Variants in TXLNB observed in about 807,000 individuals in gnomAD.
The protein encoded by TXLNB is beta-taxilin.
Under a neutral mutation model 57.4 loss-of-function variants are expected in TXLNB, and 37 were observed. The ratio of observed to expected loss-of-function variants is 0.64; its 90% CI spans 0.50 to 0.85. The LOEUF is 0.85. Ranked by LOEUF, TXLNB falls within the 40% of genes least tolerant of loss-of-function variation. The probability of loss-of-function intolerance (pLI) is 0.00; values close to 1 mark genes in which losing one functional copy is unlikely to be tolerated. For synonymous variants in TXLNB, 302 were observed against 309.6 expected (o/e 0.98, Z 0.26); for missense variants, 848 against 825.6 (o/e 1.03, Z -0.33).
chr6:139,308,780 G>A, the TXLNB span, among the ~76,000 whole-genome samples: 1 of 152,174 alleles, frequency 6.6e-6, no homozygotes, highest in Non-Finnish European at 1.5e-5. Flanking sequence ...TAGGTAATGA[G>A]TCATGTTAAA....
the TXLNB span, among the ~76,000 whole-genome samples, chr6:139,307,471 G>A: frequency 1.3e-5 from 2 of 152,212 alleles, no homozygotes; most frequent in Non-Finnish European, 2.9e-5. Flanking sequence ...TTACAGGCAT[G>A]AGCCACTGTG....
chr6:139,244,596 T>G lies in TXLNB; in HGVS notation c.1265A>C (p.Glu422Ala). The part of the protein sequence containing the change: ...CNKALLDMIE[E>A]KALRAKEYEC... ...AAGCTAAGGGAGAAACTTCCTCACC[T>G]CTTCAATCATGTCCAACAGAGCTTT... The change falls in exon 9 of 10, where the codon GAG becomes GCG. Residue 422 changes from glutamate (E) to alanine (A), a missense_variant and splice_region_variant. Transcript: ENST00000358430. 1 of 1,609,260 alleles carries G rather than the reference T, an allele frequency of 6.2e-7. No individual in the cohort carries two copies. Among genetic ancestry groups the G allele is most frequent in the African/African-American group, 1.3e-5 (1 of 74,958 alleles).
the TXLNB span, among the ~76,000 whole-genome samples, chr6:139,184,767 C>A: frequency 0.021 from 3,129 of 152,216 alleles, 115 homozygotes; most frequent in African/African-American, 0.071. Flanking sequence ...GTTTAATTTT[C>A]AATTTCTCAC....
the TXLNB span, among the ~76,000 whole-genome samples, chr6:139,217,669 C>T: frequency 1.3e-5 from 2 of 151,822 alleles, no homozygotes; most frequent in Non-Finnish European, 2.9e-5. Context: ...AAGATCGAGA[C>T]CATCCTGGCT....
chr6:139,231,045 C>T, the TXLNB span, among the ~76,000 whole-genome samples: 1 of 152,148 alleles, frequency 6.6e-6, no homozygotes, highest in Non-Finnish European at 1.5e-5. Context: ...ACAATGCACT[C>T]CCAGAAAACT....
At position 139,260,387 on chromosome 6, in the gene TXLNB, A is replaced by G; in HGVS notation, c.933T>C (p.Asp311=). 2.5e-6 allele frequency: 4 copies of G among 1,614,128 alleles called. No homozygotes were observed. In the South Asian group the frequency reaches 4.4e-5, roughly 18 times the overall value. The change falls in exon 6 of 10, where the codon GAT becomes GAC. Residue 311 remains aspartate, a synonymous_variant. Transcript: ENST00000358430. ...KHRELQQKLV[D]AKLEQAQEMM... is the part of the protein sequence containing the mutation. ...TTTCTTGGGCCTGCTCAAGCTTTGC[A>G]TCCACCAGCTTCTGCTGCAGTTCTC...
the TXLNB span, among the ~76,000 whole-genome samples, chr6:139,218,374 T>C: frequency 6.6e-6 from 1 of 152,140 alleles, no homozygotes; most frequent in South Asian, 2.1e-4. Flanking sequence ...ATTTAGCACT[T>C]TGAGAGTTGT....
downstream of TXLNB, chr6:139,239,165 A>G (rs1775870673): frequency 6.6e-6 from 1 of 152,284 alleles, no homozygotes; most frequent in Non-Finnish European, 1.5e-5. This position sits in a 1 kb window ranked among gnomAD's most constrained non-coding sequence, Gnocchi z 4.7. Context: ...CTCCCAGGTC[A>G]GTGTGGACTG....
At chr6:139,300,302 G>A in the TXLNB span, among the ~76,000 whole-genome samples, 2 of 152,162 alleles carry the variant, frequency 1.3e-5, no homozygotes, top group African/African-American at 4.8e-5. Flanking sequence ...TCTATGTGTG[G>A]TCTTTTTCTC....
chr6:139,192,298 T>C, the TXLNB span, among the ~76,000 whole-genome samples: 3 of 152,322 alleles, frequency 2.0e-5, no homozygotes, highest in East Asian at 5.8e-4. Context: ...CAGTCTTGGA[T>C]CAAGAAGTCA....
chr6:139,246,732 C>T (rs1318520450), intron 8 of TXLNB, among the ~76,000 whole-genome samples: 1 of 151,820 alleles, frequency 6.6e-6, no homozygotes, highest in Non-Finnish European at 1.5e-5. Flanking sequence ...CTGACCAACA[C>T]GGTGAAACCC....
chr6:139,310,007 C>A, the TXLNB span, among the ~76,000 whole-genome samples: 1 of 152,164 alleles, frequency 6.6e-6, no homozygotes, highest in Non-Finnish European at 1.5e-5. Flanking sequence ...AAATGGAAGA[C>A]CTGAAACCAT....
At chr6:139,287,924 T>A (rs1288880754) in intron 2 of TXLNB, among the ~76,000 whole-genome samples, 2 of 152,254 alleles carry the variant, frequency 1.3e-5, no homozygotes, top group African/African-American at 4.8e-5. Flanking sequence ...GATTTATTTA[T>A]CTTTGTGCAC....
chr6:139,174,532 G>A, the TXLNB span: 2 of 1,614,008 alleles, frequency 1.2e-6, no homozygotes, highest in Non-Finnish European at 1.7e-6. Context: ...GCCTCTCCAT[G>A]TTGTCAGGTA....
intron 1 of TXLNB, among the ~76,000 whole-genome samples, chr6:139,291,040 A>G (rs1031651353): frequency 3.3e-5 from 5 of 152,204 alleles, no homozygotes; most frequent in African/African-American, 1.2e-4. Context: ...TTATCAAATA[A>G]TGCAGCAGTT....
At chr6:139,258,806 T>C (rs1422254143) in intron 6 of TXLNB, among the ~76,000 whole-genome samples, 1 of 152,140 alleles carries the variant, frequency 6.6e-6, no homozygotes. Flanking sequence ...ACAGAGAGTG[T>C]GGGCTTTGGG....
intron 8 of TXLNB, among the ~76,000 whole-genome samples, chr6:139,246,083 CA>C (rs1400905015): frequency 9.0e-6 from 1 of 110,940 alleles, no homozygotes; most frequent in Non-Finnish European, 1.7e-5. Flanking sequence ...ATATGTGCAT[CA>C]TTTTTTTTTA....
the TXLNB span, among the ~76,000 whole-genome samples, chr6:139,206,017 A>G: frequency 7.2e-5 from 11 of 152,354 alleles, no homozygotes; most frequent in African/African-American, 2.6e-4. Flanking sequence ...TTGGGATCCT[A>G]TCTTTAACTT....
chr6:139,189,501 TAAC>T, the TXLNB span, among the ~76,000 whole-genome samples: 6 of 152,352 alleles, frequency 3.9e-5, no homozygotes, highest in African/African-American at 9.6e-5. Flanking sequence ...TAATTTTAAT[TAAC>T]AAGATATTAA....
Sources: allele counts gnomAD v4.1 joint callset (sites outside exome capture counted in the v4.1 genomes callset), GRCh38; gene constraint gnomAD v4.1.1; non-coding constraint Gnocchi (gnomAD v3.1); transcripts MANE v1.5; gene names NCBI Gene and HGNC (gene_info 2026-07-23, HGNC 2026-07-21).